The following PARVB variants were observed in gnomAD, a reference collection of about 807,000 sequenced individuals.
PARVB encodes beta-parvin.
PARVB carries 46 observed loss-of-function variants against 47.0 expected under a neutral mutation model. The ratio of observed to expected loss-of-function variants is 0.98; its 90% confidence interval spans 0.77 to 1.25. The LOEUF (loss-of-function observed/expected upper bound fraction) is 1.25, where lower values mean the gene tolerates loss of function less well. Ranked by LOEUF, PARVB falls within the 50% of genes most tolerant of loss-of-function variation. PARVB has a pLI of 0.00. For missense variants in PARVB, 473 were observed against 471.6 expected (o/e 1.00, Z -0.03); for synonymous variants, 196 against 196.3 (o/e 1.00, Z 0.01).
intron 11 of PARVB, among the ~76,000 whole-genome samples, chr22:44,161,308 CTTT>C (rs769442547): frequency 3.9e-5 from 5 of 128,654 alleles, no homozygotes; most frequent in Non-Finnish European, 4.8e-5. Flanking sequence ...TTTTTCTTTT[CTTT>C]TTTTTTTTTT....
intron 1 of PARVB, among the ~76,000 whole-genome samples, chr22:44,028,899 C>A (rs374166564): frequency 2.6e-5 from 4 of 152,232 alleles, no homozygotes; most frequent in African/African-American, 9.6e-5. Flanking sequence ...AGTGGAGCAT[C>A]TCTTCAGATG....
chr22:44,058,488 G>A (rs1601539537), intron 1 of PARVB, among the ~76,000 whole-genome samples: 5 of 151,442 alleles, frequency 3.3e-5, no homozygotes, highest in African/African-American at 1.2e-4. Flanking sequence ...GATTACATCT[G>A]CAAAGACCCT....
chr22:44,003,812 A>C (rs939411608), intron 2 of PARVB, among the ~76,000 whole-genome samples: 7 of 152,178 alleles, frequency 4.6e-5, no homozygotes, highest in Non-Finnish European at 1.0e-4. Context: ...TCTTCTGGCA[A>C]CTGCCGTCAG....
chr22:44,018,655 C>G (rs747806864), intron 2 of PARVB, among the ~76,000 whole-genome samples: 27 of 152,192 alleles, frequency 1.8e-4, no homozygotes, highest in Non-Finnish European at 2.9e-4. Context: ...GAATTGGTCT[C>G]TGGCTCTGGG....
intron 10 of PARVB, chr22:44,152,377 T>A (rs887118479): frequency 2.6e-5 from 4 of 152,140 alleles, no homozygotes; most frequent in African/African-American, 9.7e-5. Context: ...CTCGATCTCC[T>A]GGCCTCATGA....
intron 2 of PARVB, among the ~76,000 whole-genome samples, chr22:44,007,990 AG>A (rs1356520089): frequency 6.6e-6 from 1 of 152,192 alleles, no homozygotes; most frequent in Non-Finnish European, 1.5e-5. Context: ...TTGTAGGCTG[AG>A]TCAGAATTTC....
chr22:44,021,768 C>CACAT (rs2050652221), upstream of PARVB, among the ~76,000 whole-genome samples: 1 of 55,992 alleles, frequency 1.8e-5, no homozygotes, highest in Admixed American at 1.4e-4. Context: ...CTCACACACA[C>CACAT]ACACACACAC....
intron 1 of PARVB, among the ~76,000 whole-genome samples, chr22:44,033,447 C>T (rs990948293): frequency 6.6e-6 from 1 of 152,304 alleles, no homozygotes; most frequent in South Asian, 2.1e-4. Flanking sequence ...GTGAGGGCAA[C>T]TCACATGGGC....
chr22:44,037,935 T>G (rs2050949253), intron 1 of PARVB, among the ~76,000 whole-genome samples: 1 of 149,964 alleles, frequency 6.7e-6, no homozygotes, highest in South Asian at 2.1e-4. Flanking sequence ...ACCCAGCGCC[T>G]GTCCAGCCCA....
At chr22:44,149,401 T>G (rs2053753871) in intron 9 of PARVB, 1 of 152,238 alleles carries the variant, frequency 6.6e-6, no homozygotes, top group Non-Finnish European at 1.5e-5. Flanking sequence ...TTTAGGTGTC[T>G]GTAGCTCTCT....
At chr22:44,011,834 C>T (rs1358751679) in intron 2 of PARVB, among the ~76,000 whole-genome samples, 4 of 152,068 alleles carry the variant, frequency 2.6e-5, no homozygotes, top group East Asian at 3.9e-4. Context: ...CCCCTACCCC[C>T]GTCATCATTC....
chr22:44,129,441 C>T (rs1007437406), intron 4 of PARVB, among the ~76,000 whole-genome samples: 15 of 152,206 alleles, frequency 9.9e-5, no homozygotes, highest in Admixed American at 1.3e-4. Context: ...CCCTGGGTGA[C>T]GTGGCCATGT....
At position 44,169,739 on chromosome 22, in the gene PARVB, C is replaced by T. The variant is rs2054247592; in HGVS notation, c.*1061C>T. The T allele has an allele frequency of 1.3e-5, 2 of 150,372 alleles. No homozygotes were observed. The highest frequency in any genetic ancestry group is 2.1e-4 in the South Asian group (1 of 4,832). 9.3% of individuals were successfully genotyped at this position (150,372 alleles called of 1,614,324 possible). A position where few individuals can be genotyped will look rare whatever the true frequency, so the allele number is the denominator to read the frequency against. ...TTTTATTTTTTGAGACAGAGTCTCG[C>T]TCTGTCACCAGGCTGGAGTGCAGTG... is the stretch of plus-strand genomic sequence containing the variant. On this transcript the variant is annotated 3_prime_UTR_variant, in exon 13 of 13. Transcript: ENST00000338758.
chr22:44,128,433 G>A (rs2053238934), intron 4 of PARVB, among the ~76,000 whole-genome samples: 1 of 152,222 alleles, frequency 6.6e-6, no homozygotes, highest in South Asian at 2.1e-4. Flanking sequence ...AGCTGCTCCT[G>A]CGGCCCCCGC....
intron 1 of PARVB, among the ~76,000 whole-genome samples, chr22:44,074,585 G>A (rs574241530): frequency 6.6e-6 from 1 of 152,314 alleles, no homozygotes; most frequent in South Asian, 2.1e-4. Flanking sequence ...CACAGCCCTG[G>A]GAGTGAGGAG....
intron 1 of PARVB, among the ~76,000 whole-genome samples, chr22:44,029,519 T>G (rs919750557): frequency 1.3e-5 from 2 of 152,130 alleles, no homozygotes; most frequent in Admixed American, 6.5e-5. Context: ...GCCAGACACA[T>G]AATCCCAGCA....
At chr22:44,038,139 C>T (rs1210989985) in intron 1 of PARVB, among the ~76,000 whole-genome samples, 1 of 152,258 alleles carries the variant, frequency 6.6e-6, no homozygotes, top group Non-Finnish European at 1.5e-5. Flanking sequence ...CCCCTCTTTG[C>T]CCATTGGCAC....
intron 3 of PARVB, chr22:44,110,045 G>A (rs1470872450): frequency 1.4e-5 from 2 of 146,122 alleles, no homozygotes; most frequent in South Asian, 2.2e-4. Flanking sequence ...CCCGGGAGGC[G>A]GAGCTTGCAG....
chr22:44,151,963 T>G (rs867389264), intron 10 of PARVB: 3 of 193,418 alleles, frequency 1.6e-5, no homozygotes, highest in South Asian at 2.1e-4. Context: ...TTCATCTTCA[T>G]GTGGTGTCGT....
Sources: allele counts gnomAD v4.1 joint callset (sites outside exome capture counted in the v4.1 genomes callset), GRCh38; gene constraint gnomAD v4.1.1; transcripts MANE v1.5; gene names NCBI Gene and HGNC (gene_info 2026-07-23, HGNC 2026-07-21).